PDGFA: variants seen among roughly 807,000 people sequenced by gnomAD.
The protein encoded by PDGFA is platelet-derived growth factor subunit A.
Under a neutral mutation model 25.6 loss-of-function variants are expected in PDGFA, and 9 were observed. The ratio of observed to expected loss-of-function variants is 0.35; its 90% CI spans 0.21 to 0.61. The LOEUF is 0.61. PDGFA is among the 20% of genes least tolerant of loss of function. The pLI is 0.75. For synonymous variants in PDGFA, 133 were observed against 111.8 expected, an observed-to-expected ratio of 1.19 and a Z score of -1.20; for missense variants, 242 against 272.8, an observed-to-expected ratio of 0.89 and a Z score of 0.79.
intron 4 of PDGFA, among the ~76,000 whole-genome samples, chr7:503,205 C>G (rs2128392989): frequency 6.6e-6 from 1 of 152,304 alleles, no homozygotes; most frequent in East Asian, 1.9e-4. Flanking sequence ...CCCCCTGGAG[C>G]ACACACCAGG....
intron 4 of PDGFA, among the ~76,000 whole-genome samples, chr7:508,858 C>A (rs141525052): frequency 2.5e-3 from 376 of 152,316 alleles, no homozygotes; most frequent in African/African-American, 8.6e-3. Flanking sequence ...CCCTGCAACC[C>A]CATCCCGAAA....
At chr7:498,314 CTCTCTCTT>C (rs964092119) in exon 6 of PDGFA, 106 of 505,944 alleles carry the variant, frequency 2.1e-4, no homozygotes, top group Middle Eastern at 1.0e-3. Context: ...TTTGTTTTCT[CTCTCTCTT>C]TCTCTCTCTC....
chr7:505,231 G>A (rs926865512), intron 4 of PDGFA, among the ~76,000 whole-genome samples: 1 of 152,186 alleles, frequency 6.6e-6, no homozygotes, highest in Non-Finnish European at 1.5e-5. Flanking sequence ...CCGGCCCCCA[G>A]GCCCCAAGCC....
chr7:515,537 A>G (rs1199165793), intron 2 of PDGFA, among the ~76,000 whole-genome samples: 3 of 152,010 alleles, frequency 2.0e-5, no homozygotes, highest in Non-Finnish European at 1.5e-5. Context: ...CCCCTATGTT[A>G]CAAAAGGTCC....
Position 500,837 on chromosome 7 carries a change from T to C in PDGFA, c.580+279A>G, listed in dbSNP as rs550443806. On this transcript the variant is annotated intron_variant, in intron 5 of 5. Coordinates refer to ENST00000402802, the Ensembl canonical transcript of PDGFA. The surrounding 1 kb of genome is among the most constrained non-coding windows in gnomAD (Gnocchi z 5.0). The stretch of plus-strand genomic sequence containing the variant: ...CTCAGCCCCGCAGCCCACTAATGAA[T>C]TGGGTGTCTTATGCACTCCCAGCCC... 94 of 1,498,376 alleles carry C rather than the reference T, an allele frequency of 6.3e-5. No individual in the cohort carries two copies. Among genetic ancestry groups the C allele is most frequent in the East Asian group, 3.5e-4 (14 of 39,594 alleles). 92.8% of individuals were successfully genotyped at this position (1,498,376 alleles called of 1,614,324 possible). A position where few individuals can be genotyped will look rare whatever the true frequency, so the allele number is the denominator to read the frequency against.
At chr7:497,948 AAAAAAAAAAACAAAAAAAAAAAAAAC>A (rs1782139573) in exon 6 of PDGFA, 1 of 113,034 alleles carries the variant, frequency 8.8e-6, no homozygotes, top group African/African-American at 3.3e-5. Context: ...GTAAAAAAAA[AAAAAAAAAAACAAAAAAAAAAAAAAC>A]AAAACAAAAA....
At chr7:508,442 CTG>C (rs917540825) in intron 4 of PDGFA, among the ~76,000 whole-genome samples, 5 of 151,488 alleles carry the variant, frequency 3.3e-5, no homozygotes, top group African/African-American at 1.2e-4. Context: ...TGGCATGCAC[CTG>C]TAGCATTCAG....
exon 1 of PDGFA, chr7:519,214 G>A (rs1783251779): frequency 4.7e-6 from 2 of 422,508 alleles, no homozygotes; most frequent in Non-Finnish European, 4.2e-6. Flanking sequence ...GGAGAAACAG[G>A]GAGTGCGCGC....
At chr7:499,347 C>T (rs1258804675) in intron 5 of PDGFA, among the ~76,000 whole-genome samples, 3 of 152,268 alleles carry the variant, frequency 2.0e-5, no homozygotes, top group African/African-American at 7.2e-5. Flanking sequence ...ACCTCACCCG[C>T]AGGCCCAAGT....
intron 4 of PDGFA, among the ~76,000 whole-genome samples, chr7:504,773 C>T (rs1782488086): frequency 1.3e-5 from 2 of 152,226 alleles, no homozygotes; most frequent in South Asian, 4.1e-4. Context: ...CTAGTTCCCT[C>T]GGCAGGGCAG....
chr7:513,417 GGACACA>G (rs1237542576), intron 2 of PDGFA: 1 of 32,154 alleles, frequency 3.1e-5, no homozygotes, highest in African/African-American at 5.6e-5. Flanking sequence ...TCCTGCCCAT[GGACACA>G]CTGCCCGCAC....
chr7:508,651 C>T (rs559185078), intron 4 of PDGFA, among the ~76,000 whole-genome samples: 8 of 148,716 alleles, frequency 5.4e-5, no homozygotes, highest in South Asian at 2.1e-4. Flanking sequence ...GACTAGGGGC[C>T]GCACCCGCCT....
intron 3 of PDGFA, among the ~76,000 whole-genome samples, chr7:512,121 C>T (rs1305009616): frequency 3.9e-5 from 6 of 152,134 alleles, no homozygotes; most frequent in East Asian, 1.9e-4. Context: ...GAGGAGCAGG[C>T]GGGCTGGGGC....
intron 4 of PDGFA, among the ~76,000 whole-genome samples, chr7:509,315 G>A (rs912128527): frequency 3.3e-5 from 5 of 152,092 alleles, no homozygotes; most frequent in South Asian, 2.1e-4. Flanking sequence ...TCTTAGAGAC[G>A]GAGTCTTGCT....
chr7:514,705 C>T (rs528977528), intron 2 of PDGFA, among the ~76,000 whole-genome samples: 7 of 152,334 alleles, frequency 4.6e-5, no homozygotes, highest in South Asian at 4.1e-4. Context: ...CGTTATCAGC[C>T]GCTCAATGAA....
chr7:513,675 G>C (rs919292292), intron 2 of PDGFA, among the ~76,000 whole-genome samples: 1 of 152,174 alleles, frequency 6.6e-6, no homozygotes, highest in Non-Finnish European at 1.5e-5. Context: ...GCACCTCCTG[G>C]GTTCAGGACT....
chr7:510,535 G>A (rs1312032631), intron 4 of PDGFA, among the ~76,000 whole-genome samples: 1 of 129,492 alleles, frequency 7.7e-6, no homozygotes, highest in Non-Finnish European at 1.6e-5. Context: ...CGCTGCGGTG[G>A]TGGACGCGGG....
rs937867123 is a variant in PDGFA at position 517,313 on chromosome 7, G to GC, written c.160+80dup. 30 of 488,956 alleles carry GC rather than the reference G, an allele frequency of 6.1e-5. No individual in the cohort carries two copies. The highest frequency in any genetic ancestry group is 8.9e-5 in the Non-Finnish European group (29 of 324,774). The allele number at this position is 488,956 out of a possible 1,614,324, so 30.3% of individuals were successfully genotyped here. On this transcript the variant is annotated intron_variant, in intron 2 of 5. Coordinates refer to ENST00000402802, the Ensembl canonical transcript of PDGFA. The surrounding 1 kb of genome is among the most constrained non-coding windows in gnomAD (Gnocchi z 7.4). ...ACCTTTCGGTGCGCTCCTGCGCGGC[G>GC]CCCCGCCCGGCCCCAGCTCGGGGCG...
exon 4 of PDGFA, chr7:510,855 C>T (rs371492382): frequency 5.3e-5 from 85 of 1,609,850 alleles, no homozygotes; most frequent in Non-Finnish European, 6.9e-5. Flanking sequence ...CTTGACACTG[C>T]TCGTGTTGCA....
Sources: allele counts gnomAD v4.1 joint callset (sites outside exome capture counted in the v4.1 genomes callset), GRCh38; gene constraint gnomAD v4.1.1; non-coding constraint Gnocchi (gnomAD v3.1); transcripts MANE v1.5; gene names NCBI Gene and HGNC (gene_info 2026-07-23, HGNC 2026-07-21).